Variants in RANBP2 observed in about 807,000 individuals in gnomAD.
RANBP2 encodes E3 SUMO-protein ligase RanBP2.
In RANBP2, 57 loss-of-function variants were observed where a neutral mutation model predicts 303.6. That is an observed-to-expected ratio of 0.19 (90% CI 0.15 to 0.23). The LOEUF (loss-of-function observed/expected upper bound fraction) is 0.23, where lower values mean the gene tolerates loss of function less well. Ranked by LOEUF, RANBP2 falls within the 10% of genes least tolerant of loss-of-function variation. The pLI, the probability that RANBP2 is intolerant of heterozygous loss-of-function variation, is 1.00. For synonymous variants in RANBP2, 1,167 were observed against 1,301.5 expected, an observed-to-expected ratio of 0.90 and a Z score of 2.23; for missense variants, 3,138 against 3,780.8, an observed-to-expected ratio of 0.83 and a Z score of 4.46.
intron 26 of RANBP2, 21 bp from the exon 27 acceptor site, chr2:108,782,107 G>T: frequency 1.2e-6 from 2 of 1,612,754 alleles, no homozygotes; most frequent in South Asian, 1.1e-5. Context: ...AGCTTATAGA[G>T]AATTTCATCT....
the RANBP2 span, among the ~76,000 whole-genome samples, chr2:108,962,670 G>A: frequency 5.2e-5 from 4 of 76,202 alleles, no homozygotes; most frequent in Non-Finnish European, 1.0e-4. Context: ...GCGAGACTCT[G>A]TCTCAAAAAA....
chr2:109,649,947 C>T, the RANBP2 span, among the ~76,000 whole-genome samples: 1 of 152,156 alleles, frequency 6.6e-6, no homozygotes, highest in Non-Finnish European at 1.5e-5. Flanking sequence ...AGGCCACGGC[C>T]CCACCCTTAC....
At chr2:109,668,798 G>A in the RANBP2 span, among the ~76,000 whole-genome samples, 1 of 152,110 alleles carries the variant, frequency 6.6e-6, no homozygotes, top group East Asian at 1.9e-4. Context: ...TTGACACTGG[G>A]AGATACAAAA....
chr2:109,146,016 T>C, the RANBP2 span, among the ~76,000 whole-genome samples: 2 of 144,932 alleles, frequency 1.4e-5, no homozygotes, highest in African/African-American at 5.7e-5. Context: ...GCAGTGTCCT[T>C]GTCTATGTGG....
chr2:108,784,995 G>A lies in RANBP2; in HGVS notation c.*1094G>A, dbSNP rs1271710702. 6.6e-6 allele frequency: 1 copy of A among 152,052 alleles called. No individual in the cohort carries two copies. The highest frequency in any genetic ancestry group is 2.4e-5 in the African/African-American group (1 of 41,386). 9.4% of individuals were successfully genotyped at this position (152,052 alleles called of 1,614,324 possible). A position where few individuals can be genotyped will look rare whatever the true frequency, so the allele number is the denominator to read the frequency against. ...CTAAAGAAAAGAGGATGTTCTTATT[G>A]GCCTACTCAATATGGAACTACAAAG... On this transcript the variant is annotated 3_prime_UTR_variant, in exon 29 of 29. Coordinates refer to ENST00000283195, the MANE Select transcript of RANBP2 (RefSeq NM_006267.5).
the RANBP2 span, among the ~76,000 whole-genome samples, chr2:109,480,811 CT>C: frequency 6.6e-6 from 1 of 152,198 alleles, no homozygotes; most frequent in Non-Finnish European, 1.5e-5. Flanking sequence ...CTCCGGCTCT[CT>C]CTAGCTGGGA....
chr2:109,240,791 G>C, the RANBP2 span, among the ~76,000 whole-genome samples: 3 of 151,954 alleles, frequency 2.0e-5, no homozygotes, highest in Admixed American at 2.0e-4. Flanking sequence ...TAGACCCTGA[G>C]GGGTTTCTCT....
chr2:109,111,612 T>C, the RANBP2 span, among the ~76,000 whole-genome samples: 2 of 151,392 alleles, frequency 1.3e-5, no homozygotes, highest in Non-Finnish European at 2.9e-5. Context: ...TTTTTTTAGG[T>C]TTTTTTTAAT....
the RANBP2 span, among the ~76,000 whole-genome samples, chr2:108,996,359 C>A: frequency 6.6e-6 from 1 of 152,172 alleles, no homozygotes; most frequent in East Asian, 1.9e-4. Flanking sequence ...CCAAACTGGG[C>A]TGGACACTAG....
the RANBP2 span, among the ~76,000 whole-genome samples, chr2:109,246,205 G>A: frequency 8.5e-5 from 13 of 152,318 alleles, no homozygotes; most frequent in Admixed American, 3.3e-4. Context: ...ACAAAATACC[G>A]TAAACGCAGT....
the RANBP2 span, among the ~76,000 whole-genome samples, chr2:109,662,640 A>G: frequency 6.6e-6 from 1 of 151,906 alleles, no homozygotes; most frequent in Non-Finnish European, 1.5e-5. Context: ...TGAACTCCTG[A>G]CCTCAGGTGA....
the RANBP2 span, among the ~76,000 whole-genome samples, chr2:109,102,689 G>C: frequency 6.6e-6 from 1 of 152,044 alleles, no homozygotes; most frequent in East Asian, 1.9e-4. Flanking sequence ...CAGAGCCTTG[G>C]GGGAGAGGGA....
chr2:108,907,933 G>A, the RANBP2 span: 1 of 1,613,682 alleles, frequency 6.2e-7, no homozygotes, highest in South Asian at 1.1e-5. Context: ...CAGCTCCGGG[G>A]AGCCCTGCTT....
At chr2:109,253,029 T>TC in the RANBP2 span, among the ~76,000 whole-genome samples, 1 of 152,030 alleles carries the variant, frequency 6.6e-6, no homozygotes, top group Non-Finnish European at 1.5e-5. Flanking sequence ...ACTTTTTTTT[T>TC]CTTTTTTTTT....
chr2:108,839,047 T>C, the RANBP2 span: 1 of 906,866 alleles, frequency 1.1e-6, no homozygotes, highest in Non-Finnish European at 1.6e-6. Context: ...CATATAGTTT[T>C]AAAGTGAAGG....
the RANBP2 span, among the ~76,000 whole-genome samples, chr2:108,857,764 A>G: frequency 6.6e-6 from 1 of 152,206 alleles, no homozygotes; most frequent in Non-Finnish European, 1.5e-5. Flanking sequence ...GGGATCCAGT[A>G]TTACTTAAGT....
At chr2:109,513,916 C>T in the RANBP2 span, among the ~76,000 whole-genome samples, 3 of 152,166 alleles carry the variant, frequency 2.0e-5, no homozygotes, top group East Asian at 1.9e-4. Flanking sequence ...TGATGGTGGC[C>T]GATGAGCAAA....
At chr2:109,748,671 A>G in the RANBP2 span, among the ~76,000 whole-genome samples, 1 of 145,874 alleles carries the variant, frequency 6.9e-6, no homozygotes, top group African/African-American at 2.5e-5. Flanking sequence ...TCAGGCGTTC[A>G]AAACCAGCCT....
At chr2:108,930,973 G>C in the RANBP2 span, 3 of 1,613,814 alleles carry the variant, frequency 1.9e-6, no homozygotes, top group African/African-American at 4.0e-5. Context: ...CCACCAGGAC[G>C]GGGAGCCAGG....
Sources: gnomAD v4.1 joint callset for allele counts (sites outside exome capture counted in the v4.1 genomes callset) on GRCh38, gnomAD v4.1.1 for gene constraint, MANE v1.5 for transcripts, NCBI Gene and HGNC (gene_info 2026-07-23, HGNC 2026-07-21) for gene names.